VPS33A: variants seen among roughly 807,000 people sequenced by gnomAD.
VPS33A encodes vacuolar protein sorting-associated protein 33A.
A neutral mutation model predicts 71.8 loss-of-function variants in VPS33A; 32 were observed. The observed-to-expected ratio is 0.45, with a 90% CI of 0.34 to 0.60. VPS33A has a LOEUF of 0.60. Among genes scored for constraint, VPS33A ranks in the 20% least tolerant of loss-of-function variants. The probability of loss-of-function intolerance (pLI) is 0.02; values close to 1 mark genes in which losing one functional copy is unlikely to be tolerated. For synonymous variants in VPS33A, 311 were observed against 292.7 expected, an observed-to-expected ratio of 1.06 and a Z score of -0.64; for missense variants, 625 against 748.5, an observed-to-expected ratio of 0.84 and a Z score of 1.92.
chr12:122,245,019 A>T (rs1421716570), intron 6 of VPS33A, among the ~76,000 whole-genome samples: 2 of 152,154 alleles, frequency 1.3e-5, no homozygotes, highest in Non-Finnish European at 2.9e-5. Context: ...TTATTCAGGG[A>T]TTAGGTCACT....
intron 11 of VPS33A, 120 bp downstream of exon 11, chr12:122,235,666 A>G: frequency 7.3e-7 from 1 of 1,375,944 alleles, no homozygotes. Context: ...TACTTTTTCA[A>G]AAACATTAGA....
intron 4 of VPS33A, among the ~76,000 whole-genome samples, chr12:122,255,707 CAAAAAAAAAAAA>C (rs71082953): frequency 8.5e-5 from 3 of 35,470 alleles, no homozygotes; most frequent in African/African-American, 2.6e-4. Context: ...GACTCCGTCT[CAAAAAAAAAAAA>C]AAAAAAAAAA....
chr12:122,253,123 A>T lies in VPS33A; in HGVS notation c.484-2024T>A, dbSNP rs557049745. On this transcript the variant is annotated intron_variant, in intron 4 of 12. Coordinates refer to ENST00000267199, the MANE Select transcript of VPS33A (RefSeq NM_022916.6). The stretch of plus-strand genomic sequence containing the variant: ...TGGGGAGCGTTTGGTTATTATTGAG[A>T]GTGTCGCCGGACTACTCTTTCAAGT... 3.9e-5 allele frequency: 6 copies of T among 152,306 alleles called. 1 individual carries two copies. In the South Asian group the frequency reaches 1.0e-3, roughly 26 times the overall value. 9.4% of individuals were successfully genotyped at this position (152,306 alleles called of 1,614,324 possible).
intron 7 of VPS33A, 56 bp downstream of exon 7, chr12:122,244,513 G>A: frequency 6.8e-7 from 1 of 1,464,388 alleles, no homozygotes; most frequent in Non-Finnish European, 9.3e-7. Flanking sequence ...TCCCCTCAGG[G>A]GTGGGCATCT....
intron 1 of VPS33A, chr12:122,265,497 T>C (rs756289184): frequency 6.3e-5 from 14 of 222,206 alleles, no homozygotes; most frequent in Non-Finnish European, 1.1e-4. Flanking sequence ...CCTCCAGGGG[T>C]AACATATTAC....
Position 122,232,195 on chromosome 12 carries a change from C to T in VPS33A, c.*51G>A, listed in dbSNP as rs747410823. On this transcript the variant is annotated 3_prime_UTR_variant, in exon 13 of 13. Coordinates refer to ENST00000267199, the MANE Select transcript of VPS33A (RefSeq NM_022916.6). The stretch of plus-strand genomic sequence containing the variant: ...TTTTACTTCCTTTCAGCAATTTCTT[C>T]AAAGAGGTAGTTTATTCTGCAGTAC... 6.6e-7 allele frequency: 1 copy of T among 1,514,594 alleles called. No homozygotes were observed. The highest frequency in any genetic ancestry group is 2.2e-5 in the Admixed American group (1 of 45,668). 93.8% of individuals were successfully genotyped at this position (1,514,594 alleles called of 1,614,324 possible).
At chr12:122,266,021 A>C (rs1955064054) in intron 1 of VPS33A, among the ~76,000 whole-genome samples, 1 of 152,208 alleles carries the variant, frequency 6.6e-6, no homozygotes, top group Non-Finnish European at 1.5e-5. Flanking sequence ...CAGGCAGCGG[A>C]GGAAACACCT....
chr12:122,256,157 ACT>A (rs1954915054), intron 4 of VPS33A, among the ~76,000 whole-genome samples: 2 of 152,026 alleles, frequency 1.3e-5, no homozygotes, highest in Non-Finnish European at 2.9e-5. Flanking sequence ...CAACAAATTA[ACT>A]CTTTTAACGA....
intron 12 of VPS33A, among the ~76,000 whole-genome samples, 166 bp downstream of exon 12, chr12:122,232,634 G>C (rs551873751): frequency 6.6e-6 from 1 of 152,176 alleles, no homozygotes; most frequent in East Asian, 1.9e-4. Context: ...CTATCCCTCA[G>C]GGAATAATCC....
chr12:122,240,078 A>T, intron 8 of VPS33A, 133 bp from the exon 9 acceptor site: 1 of 672,452 alleles, frequency 1.5e-6, no homozygotes, highest in South Asian at 1.7e-5. Context: ...CTGTAATCTC[A>T]GCACTGTAGG....
intron 4 of VPS33A, among the ~76,000 whole-genome samples, chr12:122,253,865 G>C (rs544771968): frequency 6.6e-6 from 1 of 151,774 alleles, no homozygotes; most frequent in Non-Finnish European, 1.5e-5. Context: ...GCCTGGCTAA[G>C]TTTTTGTGTT....
intron 5 of VPS33A, 110 bp from the exon 6 acceptor site, chr12:122,250,155 A>G: frequency 4.3e-6 from 5 of 1,167,044 alleles, no homozygotes; most frequent in Non-Finnish European, 5.9e-6. Context: ...GAAAAACTGG[A>G]AGAGTGCATT....
Position 122,232,954 on chromosome 12 carries a change from T to G in VPS33A, c.1455A>C (p.Ile485=). Residue 485 remains isoleucine, a synonymous_variant, in exon 12 of 13, where the codon ATA becomes ATC. Transcript: ENST00000267199. ...GGGCATACCCACTGTACACATACGA[T>G]ATGTCCGTGGGGTTCTGTGAGATAA... The part of the protein sequence containing the change: ...DDVNEQNPTD[I]SYVYSGYAPL... 1.9e-6 allele frequency: 3 copies of G among 1,608,754 alleles called. No individual in the cohort carries two copies. The highest frequency in any genetic ancestry group is 2.5e-6 in the Non-Finnish European group (3 of 1,176,922).
At chr12:122,262,495 T>C (rs1180725669) in intron 3 of VPS33A, among the ~76,000 whole-genome samples, 1 of 152,130 alleles carries the variant, frequency 6.6e-6, no homozygotes, top group Admixed American at 6.6e-5. Context: ...AAATAGCCCA[T>C]ATGCTTTTAA....
At chr12:122,247,126 T>C (rs1205473173) in intron 6 of VPS33A, among the ~76,000 whole-genome samples, 16 of 152,220 alleles carry the variant, frequency 1.1e-4, no homozygotes, top group Admixed American at 9.8e-4. Context: ...GGGGTAAGGT[T>C]GGAGGATAAT....
At chr12:122,264,239 TC>T in intron 1 of VPS33A, 40 bp from the exon 2 acceptor site, 1 of 1,436,136 alleles carries the variant, frequency 7.0e-7, no homozygotes, top group Non-Finnish European at 9.4e-7. Context: ...ATAGTTAATA[TC>T]AGGAATTTTA....
intron 1 of VPS33A, among the ~76,000 whole-genome samples, chr12:122,264,434 A>C (rs1307279244): frequency 5.3e-5 from 8 of 152,216 alleles, no homozygotes; most frequent in Non-Finnish European, 1.0e-4. Flanking sequence ...TGTGTTGCCC[A>C]GGCTAGCGTG....
chr12:122,246,587 G>A, intron 6 of VPS33A, among the ~76,000 whole-genome samples: 1 of 148,654 alleles, frequency 6.7e-6, no homozygotes, highest in Non-Finnish European at 1.5e-5. Context: ...ACATGAGCCA[G>A]TGTGTCCAGC....
intron 6 of VPS33A, 140 bp downstream of exon 6, chr12:122,249,731 T>A (rs1273810293): frequency 6.9e-6 from 6 of 865,550 alleles, no homozygotes; most frequent in Non-Finnish European, 8.3e-6. Context: ...AAAAGGTCTG[T>A]ATTAATCTAC....
Sources: allele counts gnomAD v4.1 joint callset (sites outside exome capture counted in the v4.1 genomes callset), GRCh38; gene constraint gnomAD v4.1.1; transcripts MANE v1.5; gene names NCBI Gene and HGNC (gene_info 2026-07-23, HGNC 2026-07-21).